The following DEFB121 variants were observed in gnomAD, a reference collection of about 807,000 sequenced individuals.
The protein encoded by DEFB121 is defensin beta 121.
DEFB121 carries 5 observed loss-of-function variants against 2.5 expected under a neutral mutation model. The observed-to-expected ratio is 1.96, with a 90% CI of 1.03 to 4.13. The LOEUF is 4.13. DEFB121 is among the 30% of genes most tolerant of loss of function. The pLI is 0.00. For missense variants in DEFB121, 87 were observed against 85.0 expected, an observed-to-expected ratio of 1.02 and a Z score of -0.09; for synonymous variants, 39 against 32.6, an observed-to-expected ratio of 1.20 and a Z score of -0.67.
chr20:31,407,331 C>A (rs1978514653), upstream of DEFB121, among the ~76,000 whole-genome samples: 1 of 152,224 alleles, frequency 6.6e-6, no homozygotes, highest in Admixed American at 6.5e-5. Flanking sequence ...TTGCCAAGGT[C>A]TCATCCTAGG....
upstream of DEFB121, among the ~76,000 whole-genome samples, chr20:31,415,018 G>A (rs990124719): frequency 3.9e-5 from 6 of 152,174 alleles, no homozygotes; most frequent in African/African-American, 1.4e-4. Context: ...AGTGAGCCGT[G>A]CTTGTGCCAC....
upstream of DEFB121, among the ~76,000 whole-genome samples, chr20:31,416,115 C>T (rs1978798963): frequency 6.6e-6 from 1 of 152,074 alleles, no homozygotes. Context: ...GGCTGGAGTT[C>T]AGTGGCACGA....
chr20:31,411,787 C>T (rs1600533027), intron 1 of DEFB121, among the ~76,000 whole-genome samples: 1 of 152,316 alleles, frequency 6.6e-6, no homozygotes, highest in East Asian at 1.9e-4. Flanking sequence ...TACGCAGTTA[C>T]CTGGACCTAA....
chr20:31,414,107 T>C (rs188540676), upstream of DEFB121, among the ~76,000 whole-genome samples: 504 of 152,216 alleles, frequency 3.3e-3, 5 homozygotes, highest in African/African-American at 0.012. Flanking sequence ...CTCAGGAGGC[T>C]GAGGCAGGAG....
At chr20:31,409,147 A>G (rs1488533763), upstream of DEFB121, among the ~76,000 whole-genome samples, 5 of 152,192 alleles carry the variant, frequency 3.3e-5, no homozygotes, top group Non-Finnish European at 5.9e-5. Context: ...AATAAAATAA[A>G]CAAAATTATT....
upstream of DEFB121, among the ~76,000 whole-genome samples, chr20:31,415,205 T>C (rs1978773464): frequency 6.6e-6 from 1 of 151,836 alleles, no homozygotes; most frequent in African/African-American, 2.4e-5. Context: ...TAAAATAAAA[T>C]CTTTGAAAAA....
upstream of DEFB121, among the ~76,000 whole-genome samples, chr20:31,408,148 G>T (rs1170235859): frequency 6.6e-6 from 1 of 152,132 alleles, no homozygotes; most frequent in African/African-American, 2.4e-5. Context: ...TTTCTAACAT[G>T]GAAGAAAACA....
At chr20:31,407,779 C>A (rs1242108340), upstream of DEFB121, among the ~76,000 whole-genome samples, 2 of 152,090 alleles carry the variant, frequency 1.3e-5, no homozygotes, top group African/African-American at 4.8e-5. Context: ...TCTTTCTTTT[C>A]TTTTTCTTTT....
chr20:31,405,039 T>C lies in DEFB121; in HGVS notation c.105A>G (p.Lys35=). ...GKSGRCRTTC[K]ESEVYYILCK... ...ATAATATATAGTATACTTCACTTTC[T>C]TTACATGTTGTTCTGCACCTGCCTG... Residue 35 remains lysine, a synonymous_variant, in exon 2 of 2, where the codon AAA becomes AAG. Transcript: ENST00000376314. The C allele has an allele frequency of 1.2e-6, 2 of 1,610,940 alleles. No individual in the cohort carries two copies. Among genetic ancestry groups the C allele is most frequent in the Non-Finnish European group, 1.7e-6 (2 of 1,179,254 alleles).
In DEFB121 at chr20:31,404,993, A is replaced by T. The variant is rs763102778; in HGVS notation, c.151T>A (p.Cys51Ser). The change falls in exon 2 of 2, where the codon TGT becomes AGT. Residue 51 changes from cysteine to serine, a missense_variant. Cys to Ser is a moderately radical substitution (Grantham distance 112). Coordinates refer to ENST00000376314, the MANE Select transcript of DEFB121 (RefSeq NM_001011878.3). ...ACAGGTACATACTTGGGATCCACAC[A>T]GCACTTAGCCTCAGTTTTGCATAAT... ...YILCKTEAKC[C>S]VDPKYVPVKP... 2.1e-5 allele frequency: 34 copies of T among 1,613,984 alleles called. No homozygotes were observed. In the South Asian group the frequency reaches 3.6e-4, roughly 17 times the overall value.
chr20:31,418,042 C>T, the DEFB121 span, among the ~76,000 whole-genome samples: 1 of 150,728 alleles, frequency 6.6e-6, no homozygotes, highest in Non-Finnish European at 1.5e-5. Flanking sequence ...GGGCGGATCA[C>T]GAGGTCAGGA....
At chr20:31,414,803 C>A (rs367895206), upstream of DEFB121, among the ~76,000 whole-genome samples, 1 of 152,194 alleles carries the variant, frequency 6.6e-6, no homozygotes, top group African/African-American at 2.4e-5. Flanking sequence ...GTAGTCCCAG[C>A]ACTTTGGGAG....
chr20:31,418,259 C>CAAAAA, the DEFB121 span, among the ~76,000 whole-genome samples: 1,059 of 82,740 alleles, frequency 0.013, 60 homozygotes, highest in African/African-American at 0.029. Context: ...GACTCCGTCT[C>CAAAAA]AAAAAAAAAA....
upstream of DEFB121, chr20:31,406,318 C>A: frequency 1.4e-6 from 2 of 1,390,476 alleles, no homozygotes; most frequent in South Asian, 1.7e-5. Flanking sequence ...GACAGGCAGG[C>A]AAGGAAGGTA....
upstream of DEFB121, among the ~76,000 whole-genome samples, chr20:31,411,017 G>A (rs1440419065): frequency 6.6e-6 from 1 of 152,200 alleles, no homozygotes; most frequent in African/African-American, 2.4e-5. Context: ...AGCCCTGCAA[G>A]TTTGCTCTTG....
At chr20:31,414,105 G>A (rs1354156710), upstream of DEFB121, among the ~76,000 whole-genome samples, 1 of 152,132 alleles carries the variant, frequency 6.6e-6, no homozygotes, top group Non-Finnish European at 1.5e-5. Context: ...TACTCAGGAG[G>A]CTGAGGCAGG....
rs1978470826 is a variant in DEFB121 at position 31,406,119 on chromosome 20, G to A, written c.34C>T (p.Leu12=). 2.5e-6 allele frequency: 4 copies of A among 1,614,166 alleles called. No homozygotes were observed. In the East Asian group the frequency reaches 8.9e-5, roughly 36 times the overall value. Residue 12 remains leucine, a synonymous_variant, in exon 1 of 2, where the codon CTG becomes TTG. Transcript: ENST00000376314. The stretch of plus-strand genomic sequence containing the variant: ...CCTGGGGTGACCTGGGCCAGGAGCA[G>A]AGTAACAGTCAAAAGCAGAAGAAGG... ...KLLLLLLTVT[L]LLAQVTPVMK...
upstream of DEFB121, among the ~76,000 whole-genome samples, chr20:31,407,366 A>G (rs66991314): frequency 0.23 from 35,157 of 152,120 alleles, 4,845 homozygotes; most frequent in African/African-American, 0.36. Context: ...TTTTCCCTTC[A>G]CTTTGGCCTT....
At chr20:31,406,928 G>C (rs548985689), upstream of DEFB121, among the ~76,000 whole-genome samples, 1 of 152,156 alleles carries the variant, frequency 6.6e-6, no homozygotes, top group East Asian at 1.9e-4. Context: ...GCCTCCCAAA[G>C]TGCTAGGATT....
Sources: gnomAD v4.1 joint callset for allele counts (sites outside exome capture counted in the v4.1 genomes callset) on GRCh38, gnomAD v4.1.1 for gene constraint, MANE v1.5 for transcripts, NCBI Gene and HGNC (gene_info 2026-07-23, HGNC 2026-07-21) for gene names.